Variants in TUSC7 observed in about 807,000 individuals in gnomAD.
TUSC7 encodes LSAMP antisense RNA 3.
chr3:116,712,780 C>A (rs996966759), intron 1 of TUSC7: 6 of 150,824 alleles, frequency 4.0e-5, no homozygotes, highest in Non-Finnish European at 7.4e-5. Flanking sequence ...TGATAAATAA[C>A]AAAATTAAGT....
intron 1 of TUSC7, among the ~76,000 whole-genome samples, chr3:116,713,214 C>A (rs1281528559): frequency 1.3e-5 from 2 of 152,174 alleles, no homozygotes; most frequent in East Asian, 1.9e-4. Flanking sequence ...AGATTAGACA[C>A]AAACTGTAAT....
exon 1 of TUSC7, chr3:116,709,789 G>A (rs1393262649): frequency 1.3e-5 from 2 of 152,060 alleles, no homozygotes; most frequent in African/African-American, 2.4e-5. Flanking sequence ...GTTACACAAG[G>A]GGTACCAAAG....
intron 1 of TUSC7, among the ~76,000 whole-genome samples, chr3:116,710,976 A>C (rs2051457440): frequency 6.6e-6 from 1 of 152,174 alleles, no homozygotes; most frequent in Non-Finnish European, 1.5e-5. Context: ...TAGATAAGCT[A>C]AAACCCAAAC....
At chr3:116,712,809 A>G (rs934031937) in intron 1 of TUSC7, 3 of 152,162 alleles carry the variant, frequency 2.0e-5, no homozygotes, top group Non-Finnish European at 4.4e-5. Context: ...AAAGAGTTGC[A>G]TCTCATGCTT....
At chr3:116,715,047 G>A (rs532777989) in intron 1 of TUSC7, among the ~76,000 whole-genome samples, 134 of 152,152 alleles carry the variant, frequency 8.8e-4, no homozygotes, top group Middle Eastern at 3.4e-3. Flanking sequence ...CCATAGTTTT[G>A]CCTTTTCCAG....
intron 1 of TUSC7, among the ~76,000 whole-genome samples, chr3:116,711,604 C>A (rs1373043323): frequency 2.6e-5 from 4 of 152,138 alleles, no homozygotes; most frequent in African/African-American, 7.2e-5. Flanking sequence ...TTAGACCATA[C>A]CACCTGCTAG....
At chr3:116,710,203 G>C in intron 1 of TUSC7, 1 of 152,134 alleles carries the variant, frequency 6.6e-6, no homozygotes. Context: ...ATTCCCACAA[G>C]TGTAAGATGA....
At chr3:116,716,805 C>T (rs1133335) in intron 1 of TUSC7, 1 of 152,006 alleles carries the variant, frequency 6.6e-6, no homozygotes, top group African/African-American at 2.4e-5. Context: ...TGCCAGTGTT[C>T]GCCTTATGTT....
At chr3:116,711,015 C>T (rs964775159) in intron 1 of TUSC7, among the ~76,000 whole-genome samples, 2 of 152,122 alleles carry the variant, frequency 1.3e-5, no homozygotes, top group Non-Finnish European at 2.9e-5. Flanking sequence ...AATTACATAG[C>T]TTTGTTAATT....
chr3:116,711,448 A>T (rs2051462588), intron 1 of TUSC7, among the ~76,000 whole-genome samples: 1 of 152,128 alleles, frequency 6.6e-6, no homozygotes, highest in African/African-American at 2.4e-5. Context: ...CATGATTATT[A>T]TTCAGGAAAC....
rs2051495741 is a variant in TUSC7 at position 116,715,231 on chromosome 3, C to G, written n.99-2530C>G. Among the ~76,000 whole-genome samples, 3 of 152,152 alleles carry G rather than the reference C, an allele frequency of 2.0e-5. No individual in the cohort carries two copies. In the South Asian group the frequency reaches 6.2e-4, roughly 31 times the overall value. On this transcript the variant is annotated intron_variant and non_coding_transcript_variant, in intron 1 of 2. Coordinates refer to ENST00000477805, the Ensembl canonical transcript of TUSC7. Reference sequence around the variant, plus strand: ...CACAGTTGATTTCTCCATTCACCAACTGAACATCTTGGTTACTTCTAAGTT... The same window carrying G: ...CACAGTTGATTTCTCCATTCACCAAGTGAACATCTTGGTTACTTCTAAGTT...
chr3:116,710,478 C>G (rs1518338), intron 1 of TUSC7: 42,347 of 151,918 alleles, frequency 0.28, 6,350 homozygotes, highest in South Asian at 0.51. Context: ...AAAAGTGATG[C>G]TAACTATGCC....
rs182347981 is a variant in TUSC7, at chr3:116,710,793, A to C, written n.98+917A>C. Among the ~76,000 whole-genome samples the C allele has an allele frequency of 2.9e-3, 437 of 152,258 alleles. 1 individual carries two copies. Among genetic ancestry groups the C allele is most frequent in the Non-Finnish European group, 3.9e-3 (265 of 68,014 alleles). On this transcript the variant is annotated intron_variant and non_coding_transcript_variant, in intron 1 of 2. Transcript: ENST00000477805. Reference sequence around the variant, plus strand: ...AAAGAGACATGATTACCTTTACCACAAAATGAAAAACAATAAGGAGTTATT... The same window carrying C: ...AAAGAGACATGATTACCTTTACCACCAAATGAAAAACAATAAGGAGTTATT...
At chr3:116,713,297 C>G (rs922527770) in intron 1 of TUSC7, among the ~76,000 whole-genome samples, 3 of 152,140 alleles carry the variant, frequency 2.0e-5, no homozygotes, top group African/African-American at 7.2e-5. Flanking sequence ...AGCACTTTTT[C>G]TTGGGTGCTG....
intron 1 of TUSC7, among the ~76,000 whole-genome samples, chr3:116,715,275 G>A (rs2051495999): frequency 6.6e-6 from 1 of 152,126 alleles, no homozygotes; most frequent in Admixed American, 6.6e-5. Context: ...TATGAATGAA[G>A]CTGCTATAAA....
intron 1 of TUSC7, among the ~76,000 whole-genome samples, chr3:116,711,882 A>C (rs536851697): frequency 6.6e-6 from 1 of 152,334 alleles, no homozygotes; most frequent in South Asian, 2.1e-4. Context: ...TCAGCCTGCA[A>C]GTAAACCTAA....
At chr3:116,715,159 G>A (rs907217838) in intron 1 of TUSC7, among the ~76,000 whole-genome samples, 1 of 151,960 alleles carries the variant, frequency 6.6e-6, no homozygotes, top group South Asian at 2.1e-4. Flanking sequence ...TTCATGGCTT[G>A]ATAGCTCATT....
At chr3:116,716,859 T>G (rs1197039884) in intron 1 of TUSC7, 1 of 152,142 alleles carries the variant, frequency 6.6e-6, no homozygotes, top group Non-Finnish European at 1.5e-5. Flanking sequence ...GTCAGGATGT[T>G]TCCTGTTTTG....
At chr3:116,712,391 A>C (rs962496910) in intron 1 of TUSC7, 13 of 152,196 alleles carry the variant, frequency 8.5e-5, no homozygotes, top group African/African-American at 2.9e-4. Flanking sequence ...CTGAAGTAAC[A>C]ACCATCCCAT....
Sources: allele counts gnomAD v4.1 joint callset (sites outside exome capture counted in the v4.1 genomes callset), GRCh38; gene constraint gnomAD v4.1.1; transcripts MANE v1.5; gene names NCBI Gene and HGNC (gene_info 2026-07-23, HGNC 2026-07-21).